The following ANTXR1 variants were observed in gnomAD, a reference collection of about 807,000 sequenced individuals.
ANTXR1 encodes anthrax toxin receptor 1.
In ANTXR1, 19 loss-of-function variants were observed where a neutral mutation model predicts 78.1. The observed-to-expected ratio is 0.24, with a 90% CI of 0.17 to 0.36. The LOEUF (loss-of-function observed/expected upper bound fraction) is 0.36. ANTXR1 is among the 10% of genes least tolerant of loss of function. The pLI, the probability that ANTXR1 is intolerant of heterozygous loss-of-function variation, is 1.00. For missense variants in ANTXR1, 518 were observed against 718.6 expected, an observed-to-expected ratio of 0.72 and a Z score of 3.19; for synonymous variants, 273 against 260.5, an observed-to-expected ratio of 1.05 and a Z score of -0.46.
At chr2:69,224,031 G>A (rs1227873337) in intron 17 of ANTXR1, among the ~76,000 whole-genome samples, 1 of 152,182 alleles carries the variant, frequency 6.6e-6, no homozygotes, top group Non-Finnish European at 1.5e-5. Context: ...TAACTGCATG[G>A]CCAGGGCCCC....
intron 3 of ANTXR1, among the ~76,000 whole-genome samples, chr2:69,046,716 A>G (rs1669779733): frequency 6.6e-6 from 1 of 152,206 alleles, no homozygotes; most frequent in African/African-American, 2.4e-5. Flanking sequence ...TAAAAGAATC[A>G]GGCTTTCAGA....
intron 17 of ANTXR1, among the ~76,000 whole-genome samples, chr2:69,204,499 A>G (rs1018401914): frequency 1.3e-5 from 2 of 152,146 alleles, no homozygotes; most frequent in African/African-American, 4.8e-5. Context: ...CAGGTCCATT[A>G]TCTTATCTGT....
intron 10 of ANTXR1, among the ~76,000 whole-genome samples, chr2:69,120,043 A>AT (rs1672290477): frequency 1.3e-5 from 2 of 152,344 alleles, no homozygotes; most frequent in African/African-American, 4.8e-5. Flanking sequence ...TGAAAATACC[A>AT]TAACTCAAAA....
intron 13 of ANTXR1, among the ~76,000 whole-genome samples, chr2:69,163,757 T>G (rs1389010354): frequency 4.6e-5 from 7 of 152,216 alleles, no homozygotes; most frequent in African/African-American, 7.2e-5. Context: ...GAGGTATGCC[T>G]GGTTTCTGCA....
At chr2:69,193,461 A>ACT in intron 17 of ANTXR1, 46 bp downstream of exon 17, 2 of 999,026 alleles carry the variant, frequency 2.0e-6, no homozygotes, top group Non-Finnish European at 2.9e-6. Flanking sequence ...TCTCTCTCTC[A>ACT]CATACACACA....
intron 14 of ANTXR1, among the ~76,000 whole-genome samples, chr2:69,179,275 G>C (rs183826166): frequency 6.6e-6 from 1 of 152,062 alleles, no homozygotes; most frequent in South Asian, 2.1e-4. Flanking sequence ...GTCCATGTGC[G>C]GTGGCTCACA....
At chr2:69,219,384 G>GACACACACAC (rs377200577) in intron 17 of ANTXR1, among the ~76,000 whole-genome samples, 5,641 of 132,196 alleles carry the variant, frequency 0.043, 206 homozygotes, top group African/African-American at 0.07. Flanking sequence ...CCAGAAGGAG[G>GACACACACAC]ACACACACAC....
rs1238177713 is a variant in ANTXR1, at chr2:69,145,339, T to C, written c.952-6830T>C. On this transcript the variant is annotated intron_variant, in intron 12 of 17. Coordinates refer to ENST00000303714, the MANE Select transcript of ANTXR1 (RefSeq NM_032208.3). ...TCTTTCTTAAAGAGCCTCCACAAAA[T>C]TGCATCAGGCCCCACAACAGCTGCT... 3.1e-6 allele frequency: 5 copies of C among 1,597,944 alleles called. No homozygotes were observed. The African/African-American group carries it at 4.0e-5, about 13-fold the overall frequency.
intron 10 of ANTXR1, 131 bp from the exon 11 acceptor site, chr2:69,122,886 G>A: frequency 1.1e-6 from 1 of 939,972 alleles, no homozygotes. Flanking sequence ...TACAGCTTAA[G>A]TTTTTAAGCT....
At chr2:69,113,737 A>G (rs368990998) in intron 10 of ANTXR1, among the ~76,000 whole-genome samples, 158 of 152,360 alleles carry the variant, frequency 1.0e-3, no homozygotes, top group African/African-American at 3.5e-3. Flanking sequence ...CCAAATTTGT[A>G]TACTGCCACA....
chr2:69,143,329 G>A (rs1266608693), intron 12 of ANTXR1, among the ~76,000 whole-genome samples: 3 of 152,170 alleles, frequency 2.0e-5, no homozygotes, highest in African/African-American at 7.2e-5. Context: ...GTCATATTGG[G>A]GAAGGAAGAG....
At chr2:69,201,868 G>A (rs1674780406) in intron 17 of ANTXR1, among the ~76,000 whole-genome samples, 1 of 152,208 alleles carries the variant, frequency 6.6e-6, no homozygotes, top group Non-Finnish European at 1.5e-5. Flanking sequence ...AAAAGGACCT[G>A]CAGCAGGTCA....
chr2:69,021,444 T>C (rs1671186647), intron 1 of ANTXR1, among the ~76,000 whole-genome samples: 2 of 152,356 alleles, frequency 1.3e-5, no homozygotes, highest in South Asian at 4.1e-4. Flanking sequence ...ATATACTACA[T>C]GTCTGATAGG....
At chr2:69,166,930 G>C (rs915132771) in intron 13 of ANTXR1, among the ~76,000 whole-genome samples, 2 of 152,220 alleles carry the variant, frequency 1.3e-5, no homozygotes, top group African/African-American at 4.8e-5. Flanking sequence ...AAACATGATG[G>C]GAGCCCACAA....
At chr2:69,129,531 T>G (rs1477556537) in intron 12 of ANTXR1, among the ~76,000 whole-genome samples, 2 of 152,122 alleles carry the variant, frequency 1.3e-5, no homozygotes, top group East Asian at 3.9e-4. Context: ...AGGCGGGCAG[T>G]TCACAAGGTC....
At chr2:69,138,016 G>GGAGATTGCAATGAGCC (rs1203123411) in intron 12 of ANTXR1, among the ~76,000 whole-genome samples, 1 of 150,904 alleles carries the variant, frequency 6.6e-6, no homozygotes, top group Non-Finnish European at 1.5e-5. Context: ...CCCGGGAGGC[G>GGAGATTGCAATGAGCC]GAGATTGCAA....
intron 17 of ANTXR1, among the ~76,000 whole-genome samples, chr2:69,230,949 C>T (rs1320725349): frequency 6.6e-6 from 1 of 152,168 alleles, no homozygotes; most frequent in African/African-American, 2.4e-5. Flanking sequence ...TGCTCCTCTC[C>T]CTCCTCCTAC....
intron 12 of ANTXR1, among the ~76,000 whole-genome samples, chr2:69,144,513 C>T (rs1197659095): frequency 3.9e-5 from 6 of 152,158 alleles, no homozygotes; most frequent in African/African-American, 1.4e-4. Context: ...GAGTGGATGG[C>T]GGGCCTCTGG....
chr2:69,184,086 C>T (rs769018412), intron 16 of ANTXR1, among the ~76,000 whole-genome samples: 52 of 151,828 alleles, frequency 3.4e-4, no homozygotes, highest in Non-Finnish European at 6.2e-4. Flanking sequence ...CACACACAGC[C>T]TTACCCCCCT....
Sources: allele counts gnomAD v4.1 joint callset (sites outside exome capture counted in the v4.1 genomes callset), GRCh38; gene constraint gnomAD v4.1.1; transcripts MANE v1.5; gene names NCBI Gene and HGNC (gene_info 2026-07-23, HGNC 2026-07-21).